Variants in DNM3 observed in about 807,000 individuals in gnomAD.
DNM3 encodes dynamin 3, also known as dynamin-3.
In DNM3, 47 loss-of-function variants were observed where a neutral mutation model predicts 101.6. The observed-to-expected ratio is 0.46, with a 90% confidence interval of 0.37 to 0.59. The LOEUF (loss-of-function observed/expected upper bound fraction) is 0.59, where lower values mean the gene tolerates loss of function less well. DNM3 is among the 20% of genes least tolerant of loss of function. The pLI, the probability that DNM3 is intolerant of heterozygous loss-of-function variation, is 0.00. For synonymous variants in DNM3, 385 were observed against 387.9 expected (o/e 0.99, Z 0.09); for missense variants, 849 against 1,085.7 (o/e 0.78, Z 3.06).
At chr1:172,148,130 G>A (rs916705261) in intron 14 of DNM3, among the ~76,000 whole-genome samples, 4 of 151,908 alleles carry the variant, frequency 2.6e-5, no homozygotes, top group African/African-American at 9.7e-5. Context: ...TTCCCCTACC[G>A]AATTCTTATA....
At chr1:172,307,139 G>C (rs1262012163) in intron 15 of DNM3, among the ~76,000 whole-genome samples, 4 of 152,090 alleles carry the variant, frequency 2.6e-5, no homozygotes, top group Non-Finnish European at 4.4e-5. Context: ...ATGACAAAGG[G>C]CTAATATCCA....
chr1:172,041,172 G>A (rs2049359683), intron 7 of DNM3, among the ~76,000 whole-genome samples: 1 of 152,144 alleles, frequency 6.6e-6, no homozygotes, highest in African/African-American at 2.4e-5. Context: ...GGGAGGCATT[G>A]CTGAGAGCTG....
intron 14 of DNM3, among the ~76,000 whole-genome samples, chr1:172,149,003 ATTT>A (rs1440717945): frequency 6.6e-6 from 1 of 152,162 alleles, no homozygotes; most frequent in Non-Finnish European, 1.5e-5. Flanking sequence ...GGAGTAAGAG[ATTT>A]TCCTTCAACA....
At chr1:172,261,046 A>C (rs1475085938) in intron 15 of DNM3, among the ~76,000 whole-genome samples, 2 of 151,996 alleles carry the variant, frequency 1.3e-5, no homozygotes, top group Non-Finnish European at 2.9e-5. Flanking sequence ...CACTGGGCTT[A>C]AGTGATTCTC....
chr1:171,850,692 T>A (rs139963208), intron 1 of DNM3, among the ~76,000 whole-genome samples: 73 of 152,266 alleles, frequency 4.8e-4, no homozygotes, highest in African/African-American at 1.6e-3. Context: ...TAAAAACATA[T>A]CATGTAAAAT....
At chr1:172,228,842 AT>A (rs1259130027) in intron 14 of DNM3, among the ~76,000 whole-genome samples, 1 of 152,112 alleles carries the variant, frequency 6.6e-6, no homozygotes, top group Non-Finnish European at 1.5e-5. Context: ...CCCTACGTTC[AT>A]TTAATGGTTG....
intron 6 of DNM3, among the ~76,000 whole-genome samples, chr1:172,036,626 C>T (rs541006416): frequency 6.6e-6 from 1 of 152,102 alleles, no homozygotes; most frequent in Non-Finnish European, 1.5e-5. Flanking sequence ...CTTCCTTACA[C>T]CTTATACAAA....
chr1:172,295,935 C>T (rs1038936677), intron 15 of DNM3, among the ~76,000 whole-genome samples: 7 of 152,130 alleles, frequency 4.6e-5, no homozygotes, highest in Non-Finnish European at 1.0e-4. Flanking sequence ...CTTTGAAATA[C>T]TATACAAAAA....
intron 10 of DNM3, among the ~76,000 whole-genome samples, 157 bp from the exon 11 acceptor site, chr1:172,068,662 A>G (rs888804404): frequency 8.5e-5 from 13 of 152,198 alleles, no homozygotes; most frequent in African/African-American, 3.1e-4. Flanking sequence ...AGCCTCTCCC[A>G]TCACCTTGAC....
At chr1:172,059,833 A>G (rs2051008851) in intron 10 of DNM3, among the ~76,000 whole-genome samples, 1 of 134,898 alleles carries the variant, frequency 7.4e-6, no homozygotes, top group African/African-American at 2.9e-5. Flanking sequence ...ATAGTGTTGG[A>G]AGTTCTGGCC....
At chr1:172,075,954 G>GT (rs999807401) in intron 11 of DNM3, among the ~76,000 whole-genome samples, 1 of 152,164 alleles carries the variant, frequency 6.6e-6, no homozygotes, top group Admixed American at 6.5e-5. Flanking sequence ...AGCAAGGGAT[G>GT]TTTTTTCCAA....
At chr1:172,092,397 A>G (rs1344400517) in intron 12 of DNM3, among the ~76,000 whole-genome samples, 2 of 152,224 alleles carry the variant, frequency 1.3e-5, no homozygotes, top group Non-Finnish European at 2.9e-5. Flanking sequence ...CTCCTCATCT[A>G]TGAAACAAGA....
At chr1:171,921,702 A>G (rs1405828685) in intron 1 of DNM3, 46 bp from the exon 2 acceptor site, 1 of 1,492,442 alleles carries the variant, frequency 6.7e-7, no homozygotes, top group Non-Finnish European at 9.2e-7. Context: ...TGTACAGGTG[A>G]TAAGAATTCC....
chr1:172,238,690 C>T (rs1475753815), intron 14 of DNM3, among the ~76,000 whole-genome samples: 7 of 151,826 alleles, frequency 4.6e-5, no homozygotes, highest in Non-Finnish European at 8.8e-5. Context: ...ACAAATGGAA[C>T]GAGAGGGGAA....
intron 4 of DNM3, among the ~76,000 whole-genome samples, chr1:172,013,666 A>T (rs2047268003): frequency 6.6e-6 from 1 of 152,050 alleles, no homozygotes; most frequent in Non-Finnish European, 1.5e-5. Context: ...TGAGGTCTGA[A>T]AGAAATTTTG....
At chr1:172,120,122 A>G (rs1184209234) in intron 13 of DNM3, among the ~76,000 whole-genome samples, 1 of 152,214 alleles carries the variant, frequency 6.6e-6, no homozygotes, top group Non-Finnish European at 1.5e-5. Flanking sequence ...TAATAAAGAT[A>G]TACCTGAGAC....
At chr1:172,186,745 A>G (rs944546125) in intron 14 of DNM3, among the ~76,000 whole-genome samples, 2 of 152,134 alleles carry the variant, frequency 1.3e-5, no homozygotes, top group African/African-American at 4.8e-5. Flanking sequence ...AGTATTTTTC[A>G]TCTCTACCAG....
At chr1:172,142,736 TA>T (rs201730089) in intron 14 of DNM3, among the ~76,000 whole-genome samples, 5,800 of 114,622 alleles carry the variant, frequency 0.051, 324 homozygotes, top group African/African-American at 0.15. Flanking sequence ...ATTTCTAGAG[TA>T]AAAAAAAAAA....
intron 2 of DNM3, among the ~76,000 whole-genome samples, chr1:171,938,780 G>A (rs760883481): frequency 6.6e-6 from 1 of 152,060 alleles, no homozygotes; most frequent in Non-Finnish European, 1.5e-5. Flanking sequence ...TTCATTGAGA[G>A]GTCAAAATGG....
Sources: allele counts gnomAD v4.1 joint callset (sites outside exome capture counted in the v4.1 genomes callset), GRCh38; gene constraint gnomAD v4.1.1; transcripts MANE v1.5; gene names NCBI Gene and HGNC (gene_info 2026-07-23, HGNC 2026-07-21).